The following DMBT1 variants were observed in gnomAD, a reference collection of about 807,000 sequenced individuals.
DMBT1 encodes the protein deleted in malignant brain tumors 1.
In DMBT1, 198 loss-of-function variants were observed where a neutral mutation model predicts 252.9. The ratio of observed to expected loss-of-function variants is 0.78; its 90% CI spans 0.70 to 0.88. DMBT1 has a LOEUF of 0.88. DMBT1 is among the 40% of genes least tolerant of loss of function. DMBT1 has a pLI of 0.00. For synonymous variants in DMBT1, 990 were observed against 942.7 expected (o/e 1.05, Z -0.92); for missense variants, 2,432 against 2,404.7 (o/e 1.01, Z -0.24).
At chr10:122,635,875 A>T (rs2133689642) in intron 52 of DMBT1, 116 bp from the exon 53 acceptor site, 1 of 1,121,636 alleles carries the variant, frequency 8.9e-7, no homozygotes, top group Non-Finnish European at 1.3e-6. Flanking sequence ...TATGACTTTC[A>T]TCGATGAACT....
intron 48 of DMBT1, 108 bp from the exon 49 acceptor site, chr10:122,630,853 C>A: frequency 8.0e-7 from 1 of 1,247,628 alleles, no homozygotes; most frequent in Non-Finnish European, 1.1e-6. Context: ...TTCTATTTGG[C>A]GACTTTAGAG....
At position 122,576,734 on chromosome 10, in the gene DMBT1, G is replaced by A. The variant is rs751470432; in HGVS notation, c.607+12G>A. 6.2e-7 allele frequency: 1 copy of A among 1,613,774 alleles called. No individual in the cohort carries two copies. The highest frequency in any genetic ancestry group is 2.2e-5 in the East Asian group (1 of 44,888). On this transcript the variant is annotated intron_variant, in intron 7 of 55. Coordinates refer to ENST00000338354, the MANE Select transcript of DMBT1 (RefSeq NM_001377530.1). ...TGTTATCTGCTCAGGTAGGCATCCAGATCTCTGGAGGGTTGGGTGTGGTGG... is the reference window on the plus strand; with the variant it reads ...TGTTATCTGCTCAGGTAGGCATCCAAATCTCTGGAGGGTTGGGTGTGGTGG...
rs768001631 is a variant in DMBT1 at position 122,588,982 on chromosome 10, G to A, written c.1822G>A (p.Gly608Ser). ...TTTGGCCCTGAGGCTGGTGAATGGA[G>A]GTGACAGGTGTCAGGGCCGAGTGGA... ...SSLALRLVNG[G>S]DRCQGRVEVL... The change falls in exon 17 of 56, where the codon GGT becomes AGT. Residue 608 changes from glycine to serine, a missense_variant. Transcript: ENST00000338354. 3.8e-6 allele frequency: 6 copies of A among 1,588,380 alleles called. No individual in the cohort carries two copies. The highest frequency in any genetic ancestry group is 5.1e-6 in the Non-Finnish European group (6 of 1,165,870).
intron 1 of DMBT1, among the ~76,000 whole-genome samples, chr10:122,564,471 A>G (rs1349241147): frequency 6.6e-6 from 1 of 151,916 alleles, no homozygotes; most frequent in African/African-American, 2.4e-5. Context: ...AATTTTGTCA[A>G]ATGCCTTAAT....
At chr10:122,584,562 T>C (rs529860263) in intron 14 of DMBT1, among the ~76,000 whole-genome samples, 3 of 148,256 alleles carry the variant, frequency 2.0e-5, no homozygotes, top group African/African-American at 7.3e-5. Flanking sequence ...ATCTCAGCTT[T>C]CATGAAGCAG....
At chr10:122,618,713 C>T (rs1453975487) in intron 41 of DMBT1, among the ~76,000 whole-genome samples, 3 of 152,216 alleles carry the variant, frequency 2.0e-5, no homozygotes, top group African/African-American at 4.8e-5. Context: ...CCTCTCACTA[C>T]AAGGAACTGT....
chr10:122,577,915 C>T (rs1325601340), intron 8 of DMBT1, 75 bp downstream of exon 8: 1 of 1,501,832 alleles, frequency 6.7e-7, no homozygotes, highest in Non-Finnish European at 9.2e-7. Context: ...TCCACAGAGC[C>T]CTCCTGCTTC....
intron 2 of DMBT1, among the ~76,000 whole-genome samples, chr10:122,566,307 T>TTTTC (rs1451114652): frequency 2.1e-5 from 2 of 93,588 alleles, no homozygotes; most frequent in Non-Finnish European, 2.3e-5. Flanking sequence ...CTTTTCTTTT[T>TTTTC]TTTTCTTTTT....
At position 122,591,418 on chromosome 10, in the gene DMBT1, C is replaced by T; in HGVS notation, c.2138-61C>T. ...ATGCTTGCCTTGTCCAGAGACCTTT[C>T]CTTTTGGAGCTTTTCTCCCTCAACT... is the stretch of plus-strand genomic sequence containing the variant. On this transcript the variant is annotated intron_variant, in intron 18 of 55. Transcript: ENST00000338354. The T allele has an allele frequency of 1.5e-5, 23 of 1,509,166 alleles. 1 individual carries two copies. Among genetic ancestry groups the T allele is most frequent in the Non-Finnish European group, 2.1e-5 (23 of 1,094,040 alleles). The allele number at this position is 1,509,166 out of a possible 1,614,324, so 93.5% of individuals were successfully genotyped here.
chr10:122,569,142 A>AGC lies in DMBT1; in HGVS notation c.92-1020_92-1019insGC, dbSNP rs35769193. The stretch of plus-strand genomic sequence containing the variant: ...TATAGTGGAGGCAGGCTTCAGTCTC[A>AGC]CCCCCCAGAGCCTGCTGATGCAATC... On this transcript the variant is annotated intron_variant, in intron 2 of 55. Transcript: ENST00000338354. Among the ~76,000 whole-genome samples, 3 of 151,778 alleles carry AGC rather than the reference A, an allele frequency of 2.0e-5. No individual in the cohort carries two copies. In the South Asian group the frequency reaches 6.2e-4, roughly 32 times the overall value.
chr10:122,633,674 T>C (rs1218687026), intron 52 of DMBT1, among the ~76,000 whole-genome samples: 1 of 152,116 alleles, frequency 6.6e-6, no homozygotes, highest in Non-Finnish European at 1.5e-5. Context: ...GGGAATAAAA[T>C]ACCTGCTTTC....
In DMBT1 at chr10:122,637,108, T is replaced by C. The variant is rs1357745565; in HGVS notation, c.6758-20T>C. ...AGTCTGGGGCAGTGACTGAGTGCCTTATCTGTCCTTGTCTATCAGACCTGC... is the reference window on the plus strand; with the variant it reads ...AGTCTGGGGCAGTGACTGAGTGCCTCATCTGTCCTTGTCTATCAGACCTGC... On this transcript the variant is annotated intron_variant, in intron 53 of 55. Coordinates refer to ENST00000338354, the MANE Select transcript of DMBT1 (RefSeq NM_001377530.1). 6 of 1,610,810 alleles carry C rather than the reference T, an allele frequency of 3.7e-6. No homozygotes were observed. Among genetic ancestry groups the C allele is most frequent in the Middle Eastern group, 1.7e-4 (1 of 6,026 alleles).
chr10:122,597,319 G>A (rs980054219), intron 24 of DMBT1, among the ~76,000 whole-genome samples: 1 of 152,186 alleles, frequency 6.6e-6, no homozygotes, highest in African/African-American at 2.4e-5. Flanking sequence ...TTTAGGAAGT[G>A]ACCTCATATT....
intron 44 of DMBT1, among the ~76,000 whole-genome samples, chr10:122,622,532 C>T (rs992279608): frequency 6.6e-6 from 1 of 152,184 alleles, no homozygotes; most frequent in African/African-American, 2.4e-5. Flanking sequence ...TCACTATCAA[C>T]TTGCTTTTTG....
At position 122,598,849 on chromosome 10, in the gene DMBT1, A is replaced by T; in HGVS notation, c.3032A>T (p.Gln1011Leu). 6.2e-7 allele frequency: 1 copy of T among 1,613,734 alleles called. No homozygotes were observed. Among genetic ancestry groups the T allele is most frequent in the Non-Finnish European group, 8.5e-7 (1 of 1,179,756 alleles). The change falls in exon 26 of 56, where the codon CAA (glutamine) becomes CTA (leucine). Residue 1011 changes from glutamine to leucine, a missense_variant. Physicochemically the swap from Gln to Leu is moderately radical, Grantham distance 113 (BLOSUM62 -2). Transcript: ENST00000338354. Reference sequence around the variant, plus strand: ...CAGGGCCGAGTGGAGGTCCTATACCAAGGCTCCTGGGGCACCGTGTGCGAT... The same window carrying T: ...CAGGGCCGAGTGGAGGTCCTATACCTAGGCTCCTGGGGCACCGTGTGCGAT... ...RCQGRVEVLY[Q>L]GSWGTVCDDS...
rs777652655 is a variant in DMBT1 at position 122,579,597 on chromosome 10, C to T, written c.699C>T (p.Ala233=). ...CTGTAGGATCTGAATCCAGTTTGGC[C>T]CTGAGGCTGGTGAATGGAGGCGACA... The part of the protein sequence containing the change: ...VPTEGSESSL[A]LRLVNGGDRC... Residue 233 remains alanine, a synonymous_variant, in exon 10 of 56, where the codon GCC becomes GCT. Coordinates refer to ENST00000338354, the MANE Select transcript of DMBT1 (RefSeq NM_001377530.1). 3.1e-6 allele frequency: 5 copies of T among 1,613,164 alleles called. No homozygotes were observed. The highest frequency in any genetic ancestry group is 2.7e-5 in the African/African-American group (2 of 74,880).
chr10:122,570,245 T>C, intron 3 of DMBT1, 36 bp downstream of exon 3: 1 of 1,458,952 alleles, frequency 6.9e-7, no homozygotes, highest in Non-Finnish European at 9.6e-7. Context: ...GTGGGCTCAT[T>C]ACCCCACTGC....
chr10:122,560,916 G>T, intron 1 of DMBT1, 85 bp downstream of exon 1: 1 of 1,096,570 alleles, frequency 9.1e-7, no homozygotes, highest in Non-Finnish European at 1.3e-6. Context: ...TCCATTACAA[G>T]GGAAGTTTTA....
intron 27 of DMBT1, among the ~76,000 whole-genome samples, 178 bp from the exon 28 acceptor site, chr10:122,600,813 G>A (rs1037937501): frequency 3.3e-5 from 5 of 152,166 alleles, no homozygotes; most frequent in Non-Finnish European, 7.3e-5. Context: ...TCTCCAGCAG[G>A]ACCTTTGTCC....
Sources: allele counts gnomAD v4.1 joint callset (sites outside exome capture counted in the v4.1 genomes callset), GRCh38; gene constraint gnomAD v4.1.1; transcripts MANE v1.5; gene names NCBI Gene and HGNC (gene_info 2026-07-23, HGNC 2026-07-21).